Variants in KDM4C observed in about 807,000 individuals in gnomAD.
The protein encoded by KDM4C is lysine-specific demethylase 4C.
KDM4C carries 81 observed loss-of-function variants against 129.3 expected under a neutral mutation model. The ratio of observed to expected loss-of-function variants is 0.63; its 90% CI spans 0.52 to 0.75. The LOEUF is 0.75. Among genes scored for constraint, KDM4C ranks in the 30% least tolerant of loss-of-function variants. The pLI is 0.00. For synonymous variants in KDM4C, 573 were observed against 456.1 expected (o/e 1.26, Z -3.26); for missense variants, 1,457 against 1,304.0 (o/e 1.12, Z -1.81).
chr9:6,815,856 T>A (rs553899448), intron 4 of KDM4C, among the ~76,000 whole-genome samples: 1 of 152,356 alleles, frequency 6.6e-6, no homozygotes, highest in East Asian at 1.9e-4. Flanking sequence ...TTTGCCACAT[T>A]TGCTTAATGT....
intron 5 of KDM4C, among the ~76,000 whole-genome samples, chr9:6,856,378 T>G (rs1839807533): frequency 6.6e-6 from 1 of 152,178 alleles, no homozygotes; most frequent in South Asian, 2.1e-4. Context: ...CTAGAAAAAA[T>G]GCACTTAGAA....
chr9:6,895,058 C>T (rs1846647540), intron 8 of KDM4C, among the ~76,000 whole-genome samples: 1 of 152,168 alleles, frequency 6.6e-6, no homozygotes, highest in Non-Finnish European at 1.5e-5. Context: ...AAAAATTGCT[C>T]TAACTGAATG....
intron 1 of KDM4C, among the ~76,000 whole-genome samples, chr9:6,777,424 T>G (rs1823317998): frequency 6.6e-6 from 1 of 152,224 alleles, no homozygotes; most frequent in African/African-American, 2.4e-5. Context: ...CAAAGAGTCT[T>G]CCTTCAGCTT....
At chr9:7,142,453 C>T (rs559629152) in intron 19 of KDM4C, among the ~76,000 whole-genome samples, 2 of 152,302 alleles carry the variant, frequency 1.3e-5, no homozygotes, top group South Asian at 4.1e-4. Context: ...CTCCCCTCCC[C>T]TGGGCTCCCT....
chr9:7,033,040 A>T (rs1324761951), intron 15 of KDM4C, among the ~76,000 whole-genome samples: 1 of 152,070 alleles, frequency 6.6e-6, no homozygotes, highest in African/African-American at 2.4e-5. Context: ...AGAGCTCTGA[A>T]GCGGCTTTGT....
At chr9:6,894,763 C>G (rs764976363) in intron 8 of KDM4C, among the ~76,000 whole-genome samples, 2 of 152,154 alleles carry the variant, frequency 1.3e-5, no homozygotes, top group Non-Finnish European at 2.9e-5. Context: ...CTCTGAAATC[C>G]CAGCTGACAG....
At chr9:7,037,697 G>C (rs1304580931) in intron 15 of KDM4C, among the ~76,000 whole-genome samples, 3 of 152,040 alleles carry the variant, frequency 2.0e-5, no homozygotes, top group Non-Finnish European at 4.4e-5. Context: ...AATATGATCA[G>C]ATTTTATATT....
chr9:7,107,820 G>A (rs987303218), intron 18 of KDM4C, among the ~76,000 whole-genome samples: 1 of 151,984 alleles, frequency 6.6e-6, no homozygotes, highest in East Asian at 1.9e-4. Context: ...TAGTATTATT[G>A]TAGCTAGGTC....
chr9:6,981,935 A>T (rs540897637), intron 9 of KDM4C: 214 of 185,310 alleles, frequency 1.2e-3, no homozygotes, highest in African/African-American at 4.7e-3. Context: ...CTCACTATCC[A>T]GAGATAACCA....
intron 17 of KDM4C, among the ~76,000 whole-genome samples, chr9:7,061,826 TGAA>T (rs1564064822): frequency 1.3e-5 from 2 of 152,218 alleles, no homozygotes; most frequent in African/African-American, 4.8e-5. Flanking sequence ...TTTCATAGAC[TGAA>T]GAAGGAGTCT....
At chr9:6,762,185 G>T (rs1819684022) in intron 1 of KDM4C, among the ~76,000 whole-genome samples, 1 of 152,034 alleles carries the variant, frequency 6.6e-6, no homozygotes, top group Non-Finnish European at 1.5e-5. Flanking sequence ...TGCCATGTTG[G>T]TTTGCTGCAC....
At chr9:6,856,539 C>CGTGCGTGTGTGT (rs375228454) in intron 5 of KDM4C, among the ~76,000 whole-genome samples, 29 of 131,546 alleles carry the variant, frequency 2.2e-4, no homozygotes, top group African/African-American at 8.2e-4. Context: ...TCTCTGTGTG[C>CGTGCGTGTGTGT]GTGTGTGTGT....
chr9:6,781,196 C>G (rs1361488448), intron 1 of KDM4C, among the ~76,000 whole-genome samples: 2 of 152,034 alleles, frequency 1.3e-5, no homozygotes, highest in Non-Finnish European at 2.9e-5. Context: ...TCTGAATGGT[C>G]TTATTACAAG....
chr9:6,840,631 G>C (rs1259584748), intron 4 of KDM4C, among the ~76,000 whole-genome samples: 1 of 152,072 alleles, frequency 6.6e-6, no homozygotes, highest in African/African-American at 2.4e-5. Flanking sequence ...TTCTGACCTT[G>C]TGATCCGCCC....
At chr9:6,865,770 C>T (rs974546376) in intron 5 of KDM4C, among the ~76,000 whole-genome samples, 9 of 150,024 alleles carry the variant, frequency 6.0e-5, no homozygotes, top group South Asian at 2.1e-4. Flanking sequence ...TTTTTTTGTG[C>T]GACGGAGTCT....
At chr9:6,796,403 C>T (rs965811214) in intron 2 of KDM4C, among the ~76,000 whole-genome samples, 1 of 152,190 alleles carries the variant, frequency 6.6e-6, no homozygotes, top group Non-Finnish European at 1.5e-5. Context: ...GGATAACCAT[C>T]TCTTCTCTTC....
chr9:6,993,078 T>C (rs925572061), intron 12 of KDM4C, among the ~76,000 whole-genome samples: 2 of 152,192 alleles, frequency 1.3e-5, no homozygotes, highest in South Asian at 2.1e-4. Context: ...TGGCACATCC[T>C]GTAATTACAG....
At chr9:7,024,437 CCTG>C (rs1825441109) in intron 15 of KDM4C, among the ~76,000 whole-genome samples, 1 of 151,502 alleles carries the variant, frequency 6.6e-6, no homozygotes, top group Non-Finnish European at 1.5e-5. Flanking sequence ...CACCCATTAA[CCTG>C]TCATTTAGCA....
chr9:7,052,894 A>AGAGAGAGATAGT (rs1339242817), intron 17 of KDM4C, among the ~76,000 whole-genome samples: 2 of 105,500 alleles, frequency 1.9e-5, no homozygotes, highest in South Asian at 7.5e-4. Flanking sequence ...AGAGAGAGAG[A>AGAGAGAGATAGT]GAGAGAGCGA....
Sources: gnomAD v4.1 joint callset for allele counts (sites outside exome capture counted in the v4.1 genomes callset) on GRCh38, gnomAD v4.1.1 for gene constraint, MANE v1.5 for transcripts, NCBI Gene and HGNC (gene_info 2026-07-23, HGNC 2026-07-21) for gene names.